ASIC2: variants seen among roughly 807,000 people sequenced by gnomAD.
The protein encoded by ASIC2 is acid sensing ion channel subunit 2.
In ASIC2, 25 loss-of-function variants were observed where a neutral mutation model predicts 57.3. That is an observed-to-expected ratio of 0.44 (90% CI 0.32 to 0.61). The LOEUF is 0.61. Among genes scored for constraint, ASIC2 ranks in the 20% least tolerant of loss-of-function variants. The pLI is 0.06. For synonymous variants in ASIC2, 319 were observed against 307.5 expected (o/e 1.04, Z -0.39); for missense variants, 641 against 738.1 (o/e 0.87, Z 1.52).
intron 1 of ASIC2, among the ~76,000 whole-genome samples, chr17:33,697,475 G>A (rs1908563235): frequency 6.6e-6 from 1 of 152,194 alleles, no homozygotes; most frequent in Admixed American, 6.5e-5. Context: ...TGTGAAGAAT[G>A]TGTCAGACTT....
Position 34,011,007 on chromosome 17 carries a change from C to CACACAGACACAG in ASIC2, c.555+144970_555+144971insCTGTGTCTGTGT, listed in dbSNP as rs1189805231. On this transcript the variant is annotated intron_variant, in intron 1 of 9. Coordinates refer to the ASIC2 transcript ENST00000359872. ...ACATACCTCTAGTCAGACACACACACACACAGATGCCAAAGTCAGACACAT... is the reference window on the plus strand; with the variant it reads ...ACATACCTCTAGTCAGACACACACACACACAGACACAGACACAGATGCCAAAGTCAGACACAT... 2.3e-3 allele frequency among the ~76,000 whole-genome samples: 3 copies of CACACAGACACAG among 1,332 alleles called. 1 individual carries two copies. The highest frequency in any genetic ancestry group is 7.5e-3 in the African/African-American group (3 of 398). 0.9% of individuals were successfully genotyped at this position (1,332 alleles called of 152,430 possible).
At chr17:34,057,081 C>T (rs4795852) in intron 1 of ASIC2, among the ~76,000 whole-genome samples, 19,460 of 152,106 alleles carry the variant, frequency 0.13, 1,389 homozygotes, top group East Asian at 0.31. Flanking sequence ...TTCATTTATT[C>T]ATTCATTCAT....
chr17:33,399,688 G>A (rs1334859804), intron 1 of ASIC2, among the ~76,000 whole-genome samples: 1 of 152,180 alleles, frequency 6.6e-6, no homozygotes, highest in African/African-American at 2.4e-5. Flanking sequence ...CTCATCATAA[G>A]CATCCTTTTC....
intron 1 of ASIC2, among the ~76,000 whole-genome samples, chr17:33,544,684 A>G (rs1263047982): frequency 1.3e-5 from 2 of 152,218 alleles, no homozygotes; most frequent in Non-Finnish European, 2.9e-5. Context: ...CATTTCACAA[A>G]TGATGACACA....
At chr17:33,585,701 T>C (rs1226974814) in intron 1 of ASIC2, among the ~76,000 whole-genome samples, 1 of 152,214 alleles carries the variant, frequency 6.6e-6, no homozygotes, top group Non-Finnish European at 1.5e-5. Flanking sequence ...AGATGGGATT[T>C]CTTATCCTTT....
At chr17:33,808,219 G>A (rs532386345) in intron 1 of ASIC2, among the ~76,000 whole-genome samples, 2 of 152,324 alleles carry the variant, frequency 1.3e-5, no homozygotes, top group South Asian at 2.1e-4. Flanking sequence ...AACAGTGTGA[G>A]GTCTGTGTCT....
At chr17:33,531,431 T>C (rs1319349594) in intron 1 of ASIC2, among the ~76,000 whole-genome samples, 1 of 152,202 alleles carries the variant, frequency 6.6e-6, no homozygotes, top group Non-Finnish European at 1.5e-5. Flanking sequence ...TGGGCCTCAA[T>C]CCTCTCTGCT....
chr17:33,494,524 T>C (rs531782489), intron 1 of ASIC2, among the ~76,000 whole-genome samples: 12 of 152,238 alleles, frequency 7.9e-5, no homozygotes, highest in Middle Eastern at 6.8e-3. Flanking sequence ...ATAAGGTGCA[T>C]TGGGTTTAGC....
chr17:33,225,192 C>T (rs572844729), intron 1 of ASIC2, among the ~76,000 whole-genome samples: 1 of 152,196 alleles, frequency 6.6e-6, no homozygotes, highest in East Asian at 1.9e-4. Flanking sequence ...AATACCAAGC[C>T]TGTGCTGTGG....
At chr17:34,119,741 C>T (rs1348863156) in intron 1 of ASIC2, among the ~76,000 whole-genome samples, 2 of 152,178 alleles carry the variant, frequency 1.3e-5, no homozygotes, top group African/African-American at 2.4e-5. Context: ...ATACTTTCTA[C>T]CTTGTGTTAC....
At chr17:33,161,856 GGTTTTTTTTTTTT>G (rs1157590626) in intron 1 of ASIC2, among the ~76,000 whole-genome samples, 32 of 118,868 alleles carry the variant, frequency 2.7e-4, no homozygotes, top group Non-Finnish European at 1.7e-5. Flanking sequence ...AGAATTCCTA[GGTTTTTTTTTTTT>G]TTTTTTTTTT....
At chr17:33,040,941 T>C (rs546973464) in intron 3 of ASIC2, among the ~76,000 whole-genome samples, 2 of 152,150 alleles carry the variant, frequency 1.3e-5, no homozygotes, top group South Asian at 4.1e-4. Context: ...TCCAACCTAA[T>C]CATATAAAGA....
chr17:33,380,844 C>A (rs1909463055), intron 1 of ASIC2, among the ~76,000 whole-genome samples: 2 of 152,352 alleles, frequency 1.3e-5, no homozygotes, highest in East Asian at 1.9e-4. Flanking sequence ...CCTTTGGCCT[C>A]TGAAAGGTCC....
intron 1 of ASIC2, among the ~76,000 whole-genome samples, chr17:33,311,535 A>G (rs566009807): frequency 1.3e-5 from 2 of 152,148 alleles, no homozygotes; most frequent in African/African-American, 4.8e-5. Context: ...CATATATTCA[A>G]ATCACAGGTA....
In ASIC2 at chr17:33,089,128, C is replaced by T. The variant is rs746070128; in HGVS notation, c.860-138G>A. 2.0e-5 allele frequency: 24 copies of T among 1,174,314 alleles called. 1 individual carries two copies. Among genetic ancestry groups the T allele is most frequent in the Non-Finnish European group, 2.8e-5 (24 of 864,994 alleles). 72.7% of individuals were successfully genotyped at this position (1,174,314 alleles called of 1,614,324 possible). On this transcript the variant is annotated intron_variant, in intron 2 of 9. Coordinates refer to ENST00000225823, the MANE Select transcript of ASIC2 (RefSeq NM_183377.2). ...ATGGCCCCCAAAGGTGTCCACATCC[C>T]CACCTCCAGAAACTGTGACTAGGTT...
At chr17:34,065,837 G>A (rs1052412730) in intron 1 of ASIC2, among the ~76,000 whole-genome samples, 2 of 152,156 alleles carry the variant, frequency 1.3e-5, no homozygotes, top group Non-Finnish European at 2.9e-5. Context: ...TGCTTGGTTT[G>A]ACTCTGAAAG....
intron 1 of ASIC2, among the ~76,000 whole-genome samples, chr17:33,863,055 G>C (rs564042803): frequency 6.6e-6 from 1 of 152,206 alleles, no homozygotes; most frequent in South Asian, 2.1e-4. Flanking sequence ...GTTCAGGAGC[G>C]CAAGTGGCAC....
chr17:33,844,655 G>T (rs956794803), intron 1 of ASIC2, among the ~76,000 whole-genome samples: 1 of 152,170 alleles, frequency 6.6e-6, no homozygotes, highest in Admixed American at 6.5e-5. Context: ...AGAGATGGTG[G>T]TGACTTGCAT....
chr17:33,571,439 G>A (rs112988715), intron 1 of ASIC2, among the ~76,000 whole-genome samples: 1,758 of 152,266 alleles, frequency 0.012, 34 homozygotes, highest in African/African-American at 0.04. Context: ...TATACTTAGC[G>A]CAGAGTAGGT....
Sources: gnomAD v4.1 joint callset for allele counts (sites outside exome capture counted in the v4.1 genomes callset) on GRCh38, gnomAD v4.1.1 for gene constraint, MANE v1.5 for transcripts, NCBI Gene and HGNC (gene_info 2026-07-23, HGNC 2026-07-21) for gene names.